Variants in SAMD5 observed in about 807,000 individuals in gnomAD.
SAMD5 encodes sterile alpha motif domain containing 5, also known as sterile alpha motif domain-containing protein 5.
A neutral mutation model predicts 11.3 loss-of-function variants in SAMD5; 13 were observed. That is an observed-to-expected ratio of 1.15 (90% CI 0.75 to 1.83). SAMD5 has a LOEUF of 1.83. Among genes scored for constraint, SAMD5 ranks in the 40% most tolerant of loss-of-function variants. The pLI is 0.00. For synonymous variants in SAMD5, 129 were observed against 111.3 expected (o/e 1.16, Z -1.00); for missense variants, 255 against 239.1 (o/e 1.07, Z -0.44).
chr6:147,875,193 G>A, the SAMD5 span, among the ~76,000 whole-genome samples: 5 of 151,940 alleles, frequency 3.3e-5, no homozygotes, highest in Admixed American at 2.0e-4. Context: ...GTTTATTTTG[G>A]TTTACATTAT....
chr6:147,568,648 T>C lies in SAMD5; in HGVS notation c.*4192T>C, dbSNP rs1351706128. The C allele has an allele frequency of 2.2e-5, 22 of 985,330 alleles. No homozygotes were observed. The highest frequency in any genetic ancestry group is 2.5e-5 in the Non-Finnish European group (21 of 829,906). The allele number at this position is 985,330 out of a possible 1,614,324, so 61.0% of individuals were successfully genotyped here. On this transcript the variant is annotated 3_prime_UTR_variant, in exon 2 of 2. Transcript: ENST00000367474. ...CATATAGATGCACACATAGTGACTT[T>C]ATTAAATCAAATGAGTTGTGCAGAG...
At chr6:147,700,794 G>A (rs1257304246) in intron 1 of SAMD5, among the ~76,000 whole-genome samples, 1 of 152,244 alleles carries the variant, frequency 6.6e-6, no homozygotes, top group Non-Finnish European at 1.5e-5. Context: ...AAGGGCAAAT[G>A]TGATCGGCTG....
chr6:147,625,229 G>A (rs1196584407), intron 1 of SAMD5, among the ~76,000 whole-genome samples: 1 of 152,182 alleles, frequency 6.6e-6, no homozygotes, highest in Non-Finnish European at 1.5e-5. Context: ...CTCATATTTA[G>A]TGCTTCATGT....
chr6:147,852,888 G>T, the SAMD5 span, among the ~76,000 whole-genome samples: 3 of 152,124 alleles, frequency 2.0e-5, no homozygotes, highest in South Asian at 6.2e-4. Flanking sequence ...TAACTAATTT[G>T]TTAGGAATAT....
chr6:147,729,588 A>C (rs188098741), intron 1 of SAMD5, among the ~76,000 whole-genome samples: 1 of 152,348 alleles, frequency 6.6e-6, no homozygotes, highest in East Asian at 1.9e-4. Flanking sequence ...AATAGGTGCT[A>C]AGGAATGAAA....
chr6:147,919,499 G>T, the SAMD5 span, among the ~76,000 whole-genome samples: 1 of 152,210 alleles, frequency 6.6e-6, no homozygotes, highest in Admixed American at 6.5e-5. Flanking sequence ...CAAGGAGAAT[G>T]AGATTTATGA....
chr6:147,680,901 G>C (rs1189378639), intron 1 of SAMD5, among the ~76,000 whole-genome samples: 1 of 152,076 alleles, frequency 6.6e-6, no homozygotes, highest in Non-Finnish European at 1.5e-5. Context: ...ATTAGCTAAA[G>C]TTTCGTTACA....
the SAMD5 span, among the ~76,000 whole-genome samples, chr6:147,778,844 G>A: frequency 6.8e-6 from 1 of 147,102 alleles, no homozygotes; most frequent in African/African-American, 2.6e-5. Context: ...GCCTGAAAGA[G>A]TACTGATTTC....
chr6:147,663,791 CAAA>C (rs199707045), intron 1 of SAMD5, among the ~76,000 whole-genome samples: 20,415 of 82,270 alleles, frequency 0.25, 1,312 homozygotes, highest in East Asian at 0.33. Flanking sequence ...AACTCTGTCT[CAAA>C]AAAAAAAAAA....
chr6:147,556,094 A>AT (rs1788850538), intron 1 of SAMD5, among the ~76,000 whole-genome samples: 1 of 151,646 alleles, frequency 6.6e-6, no homozygotes, highest in South Asian at 2.1e-4. Context: ...TAGTGTTATT[A>AT]TTATTTTTTT....
chr6:147,573,284 C>T (rs1003048747), downstream of SAMD5, among the ~76,000 whole-genome samples: 1 of 151,430 alleles, frequency 6.6e-6, no homozygotes, highest in Non-Finnish European at 1.5e-5. Context: ...ACTCACAGTT[C>T]CACATGGCTG....
chr6:147,508,882 A>G lies in SAMD5; in HGVS notation c.-47A>G. On this transcript the variant is annotated 5_prime_UTR_variant, in exon 1 of 2. Transcript: ENST00000367474. ...TCCAAGAACTGGTGCCGCCCGTGCC[A>G]TTTGGGCGCTGGGAAGGTGCTCGGC... The G allele has an allele frequency of 1.3e-6, 2 of 1,580,656 alleles. No homozygotes were observed. Among genetic ancestry groups the G allele is most frequent in the Middle Eastern group, 1.7e-4 (1 of 5,860 alleles).
chr6:147,555,018 G>A (rs945796757), intron 1 of SAMD5, among the ~76,000 whole-genome samples: 3 of 152,140 alleles, frequency 2.0e-5, no homozygotes, highest in African/African-American at 4.8e-5. Context: ...TGTTAACGTC[G>A]ACCTGTGTTA....
intron 1 of SAMD5, among the ~76,000 whole-genome samples, chr6:147,594,309 AAG>A (rs1410790154): frequency 2.6e-5 from 4 of 152,144 alleles, no homozygotes; most frequent in Non-Finnish European, 5.9e-5. Flanking sequence ...AGAGTTAGGT[AAG>A]AGCAGAACGT....
the SAMD5 span, among the ~76,000 whole-genome samples, chr6:147,888,944 A>T: frequency 1.3e-5 from 2 of 151,908 alleles, no homozygotes; most frequent in Non-Finnish European, 2.9e-5. Context: ...TGATTATGAT[A>T]TGCCTTAGTA....
intron 1 of SAMD5, among the ~76,000 whole-genome samples, chr6:147,588,477 C>T (rs1282556710): frequency 1.3e-5 from 2 of 151,942 alleles, no homozygotes; most frequent in East Asian, 2.0e-4. Context: ...ACGCACACCA[C>T]GGTGCCCAGC....
chr6:147,571,416 G>C (rs1172241962), downstream of SAMD5, among the ~76,000 whole-genome samples: 1 of 148,514 alleles, frequency 6.7e-6, no homozygotes, highest in African/African-American at 2.5e-5. Context: ...TCCCACTGAG[G>C]ATTTTTTTTT....
At chr6:147,803,694 A>C in the SAMD5 span, among the ~76,000 whole-genome samples, 5 of 152,148 alleles carry the variant, frequency 3.3e-5, no homozygotes, top group Non-Finnish European at 7.4e-5. Flanking sequence ...CCCATCTGTT[A>C]AGCAGCTTGC....
intron 1 of SAMD5, among the ~76,000 whole-genome samples, chr6:147,599,946 G>A (rs1789590760): frequency 6.6e-6 from 1 of 152,072 alleles, no homozygotes; most frequent in Non-Finnish European, 1.5e-5. Flanking sequence ...GGTATATATA[G>A]GACCAAGAGG....
Sources: allele counts gnomAD v4.1 joint callset (sites outside exome capture counted in the v4.1 genomes callset), GRCh38; gene constraint gnomAD v4.1.1; transcripts MANE v1.5; gene names NCBI Gene and HGNC (gene_info 2026-07-23, HGNC 2026-07-21).